CDC45: variants seen among roughly 807,000 people sequenced by gnomAD.
CDC45 encodes the protein cell division cycle 45, also known as cell division control protein 45 homolog.
A neutral mutation model predicts 77.8 loss-of-function variants in CDC45; 54 were observed. The observed-to-expected ratio is 0.69, with a 90% CI of 0.56 to 0.87. The LOEUF is 0.87. CDC45 is among the 40% of genes least tolerant of loss of function. CDC45 has a pLI of 0.00. For missense variants in CDC45, 649 were observed against 721.6 expected (o/e 0.90, Z 1.15); for synonymous variants, 260 against 272.1 (o/e 0.96, Z 0.44).
intron 9 of CDC45, among the ~76,000 whole-genome samples, chr22:19,501,261 G>T (rs1329962199): frequency 6.6e-6 from 1 of 152,146 alleles, no homozygotes; most frequent in Non-Finnish European, 1.5e-5. Flanking sequence ...GCGGCTAGGT[G>T]CCCCTTCACT....
At chr22:19,492,936 C>T (rs1182785970) in intron 5 of CDC45, among the ~76,000 whole-genome samples, 7 of 152,148 alleles carry the variant, frequency 4.6e-5, no homozygotes, top group African/African-American at 7.2e-5. Flanking sequence ...CTGGGTTCTC[C>T]CACCATTGGT....
At position 19,505,396 on chromosome 22, in the gene CDC45, C is replaced by G; in HGVS notation, c.739C>G (p.Arg247Gly). ...CGTGACTGATGTTGGTGTCCTGCAG[C>G]GCCACGTTTCCCGCCACAACCACCG... ...KYVTDVGVLQ[R>G]HVSRHNHRNE... The change falls in exon 10 of 19, where the codon CGC becomes GGC. Residue 247 changes from arginine (R) to glycine (G), a missense_variant. Physicochemically the swap from Arg to Gly is moderately radical, Grantham distance 125. Transcript: ENST00000263201. The G allele has an allele frequency of 6.2e-7, 1 of 1,613,924 alleles. No individual in the cohort carries two copies. The highest frequency in any genetic ancestry group is 1.1e-5 in the South Asian group (1 of 91,074).
At position 19,515,040 on chromosome 22, in the gene CDC45, G is replaced by C; in HGVS notation, c.1432G>C (p.Val478Leu). The part of the protein sequence containing the change: ...LLSKHLLKSF[V>L]CSTKNRRCKL... ...CAGCAAACACCTGCTCAAGTCCTTT[G>C]TGTGTTCGGTGAGGGGCCAGGCGGG... Residue 478 changes from valine (V) to leucine (L), a missense_variant, in exon 15 of 19, where the codon GTG becomes CTG. Transcript: ENST00000263201. The C allele has an allele frequency of 6.2e-7, 1 of 1,604,552 alleles. No individual in the cohort carries two copies. Among genetic ancestry groups the C allele is most frequent in the Non-Finnish European group, 8.5e-7 (1 of 1,173,692 alleles).
chr22:19,494,300 C>G, intron 5 of CDC45, 27 bp from the exon 6 acceptor site: 1 of 1,608,962 alleles, frequency 6.2e-7, no homozygotes, highest in Non-Finnish European at 8.5e-7. Flanking sequence ...TTTGCTCCAC[C>G]TTTTGTTCTC....
At position 19,497,949 on chromosome 22, in the gene CDC45, T is replaced by G. The variant is rs139104322; in HGVS notation, c.653+502T>G. Among the ~76,000 whole-genome samples, 787 of 152,054 alleles carry G rather than the reference T, an allele frequency of 5.2e-3. 14 individuals are homozygous for G. The highest frequency in any genetic ancestry group is 0.019 in the African/African-American group (770 of 41,456). ...GCTCACCCCTGTAATCCCAGCACTT[T>G]GGAAGGTCAGGAATTCGAGACCAGC... On this transcript the variant is annotated intron_variant, in intron 8 of 18. Coordinates refer to ENST00000263201, the MANE Select transcript of CDC45 (RefSeq NM_003504.5).
At chr22:19,482,403 C>T (rs1260432446) in intron 3 of CDC45, among the ~76,000 whole-genome samples, 3 of 152,268 alleles carry the variant, frequency 2.0e-5, no homozygotes, top group Non-Finnish European at 4.4e-5. Context: ...TGCTCGAAGT[C>T]TTGGTCTGCT....
At chr22:19,493,220 T>C (rs1310977070) in intron 5 of CDC45, among the ~76,000 whole-genome samples, 1 of 131,728 alleles carries the variant, frequency 7.6e-6, no homozygotes, top group Admixed American at 7.2e-5. Flanking sequence ...CAGAGCAGCT[T>C]TTGTGGGTTT....
At chr22:19,518,758 AGG>A in intron 17 of CDC45, 84 bp from the exon 18 acceptor site, 1 of 1,038,416 alleles carries the variant, frequency 9.6e-7, no homozygotes, top group Non-Finnish European at 1.5e-6. Flanking sequence ...AATGCAGTGG[AGG>A]GCAGGCAGCG....
intron 5 of CDC45, among the ~76,000 whole-genome samples, chr22:19,488,749 A>G (rs988446960): frequency 5.9e-5 from 9 of 152,304 alleles, no homozygotes; most frequent in Admixed American, 5.2e-4. Context: ...ATGATAGAGA[A>G]CAATTCCATT....
intron 3 of CDC45, among the ~76,000 whole-genome samples, chr22:19,481,410 G>A (rs368372021): frequency 2.0e-5 from 3 of 151,748 alleles, no homozygotes; most frequent in African/African-American, 4.8e-5. Flanking sequence ...ACGGAGTCTC[G>A]CTGTGTCGCC....
At chr22:19,480,069 A>T (rs577826035) in intron 1 of CDC45, 50 bp downstream of exon 1, 1 of 1,611,658 alleles carries the variant, frequency 6.2e-7, no homozygotes, top group South Asian at 1.1e-5. Context: ...TGGGGAAGGG[A>T]TGAGGGGGAG....
intron 3 of CDC45, among the ~76,000 whole-genome samples, chr22:19,482,481 A>G (rs2089998366): frequency 6.6e-6 from 1 of 152,162 alleles, no homozygotes; most frequent in Admixed American, 6.5e-5. Context: ...TCCTGGGGAA[A>G]ACTGGGAGCC....
intron 5 of CDC45, among the ~76,000 whole-genome samples, chr22:19,489,035 G>T (rs933941469): frequency 1.4e-4 from 22 of 152,036 alleles, no homozygotes; most frequent in African/African-American, 5.3e-4. Context: ...AATTAGCCAG[G>T]TGTGGTGGTG....
At chr22:19,494,118 G>A (rs1370948117) in intron 5 of CDC45, among the ~76,000 whole-genome samples, 2 of 152,180 alleles carry the variant, frequency 1.3e-5, no homozygotes, top group African/African-American at 4.8e-5. Context: ...GGTGTCTGGA[G>A]AGCTGGGAGC....
rs768766940 is a variant in CDC45 at position 19,494,439 on chromosome 22, G to T, written c.542+57G>T. ...CAGAAGCCCACTTGCCTGGGGGTCTGTGGTGCCACCCATACCTCTGACTTC... is the reference window on the plus strand; with the variant it reads ...CAGAAGCCCACTTGCCTGGGGGTCTTTGGTGCCACCCATACCTCTGACTTC... On this transcript the variant is annotated intron_variant, in intron 6 of 18. Coordinates refer to ENST00000263201, the MANE Select transcript of CDC45 (RefSeq NM_003504.5). The T allele has an allele frequency of 3.1e-6, 5 of 1,601,256 alleles. No homozygotes were observed. The African/African-American group carries it at 6.7e-5, about 21-fold the overall frequency.
chr22:19,488,925 G>T (rs185048215), intron 5 of CDC45, among the ~76,000 whole-genome samples: 65 of 152,158 alleles, frequency 4.3e-4, no homozygotes, highest in Admixed American at 1.2e-3. Flanking sequence ...ATAATATCAC[G>T]GTCAGGATGG....
In CDC45 at chr22:19,480,163, C is replaced by G. The variant is rs563826047; in HGVS notation, c.57C>G (p.Val19=). Residue 19 remains valine, a synonymous_variant, in exon 2 of 19, where the codon GTC becomes GTG. Coordinates refer to ENST00000263201, the MANE Select transcript of CDC45 (RefSeq NM_003504.5). The part of the protein sequence containing the change: ...EFYEVVQSQR[V]LLFVASDVDA... ...GGTCTGCTCTTCCCCGATAGAGGGT[C>G]CTTCTCTTCGTGGCCTCGGACGTGG... 3 of 1,613,930 alleles carry G rather than the reference C, an allele frequency of 1.9e-6. No homozygotes were observed. Among genetic ancestry groups the G allele is most frequent in the Non-Finnish European group, 2.5e-6 (3 of 1,179,958 alleles).
At chr22:19,507,242 C>T in intron 10 of CDC45, 144 bp from the exon 11 acceptor site, 1 of 933,704 alleles carries the variant, frequency 1.1e-6, no homozygotes, top group South Asian at 1.6e-5. Flanking sequence ...GGTCAAAGGG[C>T]TCCAGGTCAC....
Position 19,505,485 on chromosome 22 carries a change from T to C in CDC45, c.824+4T>C, listed in dbSNP as rs1933117227. 1.9e-6 allele frequency: 3 copies of C among 1,613,860 alleles called. No individual in the cohort carries two copies. The highest frequency in any genetic ancestry group is 2.7e-5 in the African/African-American group (2 of 74,904). ...CACGGATCTCCTTTGAGTATGAGTATCCTTGTGGCCCAGCCTGAGGGGCAC... is the reference window on the plus strand; with the variant it reads ...CACGGATCTCCTTTGAGTATGAGTACCCTTGTGGCCCAGCCTGAGGGGCAC... On this transcript the variant is annotated splice_donor_region_variant and intron_variant, in intron 10 of 18. Transcript: ENST00000263201.
Sources: allele counts gnomAD v4.1 joint callset (sites outside exome capture counted in the v4.1 genomes callset), GRCh38; gene constraint gnomAD v4.1.1; transcripts MANE v1.5; gene names NCBI Gene and HGNC (gene_info 2026-07-23, HGNC 2026-07-21).